Variants in ADGRV1 observed in about 807,000 individuals in gnomAD.
ADGRV1 encodes the protein G-protein coupled receptor 98.
In ADGRV1, 359 loss-of-function variants were observed where a neutral mutation model predicts 596.2. The observed-to-expected ratio is 0.60, with a 90% CI of 0.55 to 0.66. The LOEUF is 0.66. Ranked by LOEUF, ADGRV1 falls within the 30% of genes least tolerant of loss-of-function variation. The pLI, the probability that ADGRV1 is intolerant of heterozygous loss-of-function variation, is 0.00. For synonymous variants in ADGRV1, 2,681 were observed against 2,679.2 expected (o/e 1.00, Z -0.02); for missense variants, 7,274 against 7,575.6 (o/e 0.96, Z 1.48).
intron 83 of ADGRV1, among the ~76,000 whole-genome samples, chr5:90,884,564 C>G (rs552110080): frequency 8.0e-4 from 122 of 152,186 alleles, no homozygotes; most frequent in Admixed American, 2.8e-3. Flanking sequence ...TGGTATGTAT[C>G]AGGTGCCTAT....
chr5:91,080,265 A>G (rs1035138293), intron 86 of ADGRV1, among the ~76,000 whole-genome samples: 6 of 152,150 alleles, frequency 3.9e-5, no homozygotes, highest in African/African-American at 1.4e-4. Context: ...CTAGTTTGCT[A>G]TCAAACATTT....
chr5:90,662,419 T>G lies in ADGRV1; in HGVS notation c.4752+4141T>G, dbSNP rs537617500. Among the ~76,000 whole-genome samples, 22 of 151,996 alleles carry G rather than the reference T, an allele frequency of 1.4e-4. No homozygotes were observed. In the South Asian group the frequency reaches 4.6e-3, roughly 32 times the overall value. Reference sequence around the variant, plus strand: ...TGTGTTAGCCAGGATGGTCTCGATCTCCTGACCTCGTGATCCACCTACCTC... The same window carrying G: ...TGTGTTAGCCAGGATGGTCTCGATCGCCTGACCTCGTGATCCACCTACCTC... On this transcript the variant is annotated intron_variant, in intron 21 of 89. Transcript: ENST00000405460.
intron 34 of ADGRV1, among the ~76,000 whole-genome samples, chr5:90,699,938 G>C (rs920974938): frequency 9.9e-5 from 15 of 152,116 alleles, no homozygotes; most frequent in Non-Finnish European, 2.9e-5. Context: ...ACACCAAATT[G>C]CTTTTCTTGC....
chr5:90,837,960 A>C (rs1231107479), intron 77 of ADGRV1, among the ~76,000 whole-genome samples: 2 of 152,032 alleles, frequency 1.3e-5, no homozygotes, highest in East Asian at 3.9e-4. Context: ...CTTTTTAAGT[A>C]GTTCTATTCT....
At chr5:90,663,586 T>A (rs1009937561) in intron 21 of ADGRV1, among the ~76,000 whole-genome samples, 9 of 152,206 alleles carry the variant, frequency 5.9e-5, no homozygotes, top group African/African-American at 2.2e-4. Flanking sequence ...GATGGTAGTT[T>A]CTTTTGCTGT....
chr5:90,991,465 T>C (rs1238968667), intron 85 of ADGRV1, among the ~76,000 whole-genome samples: 1 of 152,162 alleles, frequency 6.6e-6, no homozygotes, highest in Non-Finnish European at 1.5e-5. Flanking sequence ...GTCTTTAATT[T>C]GTAGAGACAA....
intron 59 of ADGRV1, among the ~76,000 whole-genome samples, chr5:90,772,011 T>TC (rs1757745880): frequency 1.3e-5 from 2 of 151,998 alleles, no homozygotes. Flanking sequence ...ATCACCCTTT[T>TC]CCCCCCTCTT....
chr5:90,977,855 A>G (rs571820280), intron 84 of ADGRV1, among the ~76,000 whole-genome samples: 248 of 152,326 alleles, frequency 1.6e-3, no homozygotes, highest in African/African-American at 5.7e-3. Flanking sequence ...TTAAATTCCA[A>G]TAGCCTGAAT....
chr5:90,771,502 A>G (rs934234672), intron 59 of ADGRV1, among the ~76,000 whole-genome samples: 1 of 152,210 alleles, frequency 6.6e-6, no homozygotes, highest in African/African-American at 2.4e-5. Flanking sequence ...AGTGTTTTAT[A>G]CAACAACTGT....
At position 90,647,364 on chromosome 5, in the gene ADGRV1, A is replaced by T. The variant is rs564328408; in HGVS notation, c.3023-134A>T. 7 of 760,898 alleles carry T rather than the reference A, an allele frequency of 9.2e-6. No individual in the cohort carries two copies. The East Asian group carries it at 1.6e-4, about 17-fold the overall frequency. The allele number at this position is 760,898 out of a possible 1,614,324, so 47.1% of individuals were successfully genotyped here. A position where few individuals can be genotyped will look rare whatever the true frequency, so the allele number is the denominator to read the frequency against. ...AGAGGGTAGTCATGTCAGAGTTGGG[A>T]ACAGAGCTAATTATTTTGGCAAAGA... On this transcript the variant is annotated intron_variant, in intron 16 of 89. Coordinates refer to ENST00000405460, the MANE Select transcript of ADGRV1 (RefSeq NM_032119.4).
intron 85 of ADGRV1, among the ~76,000 whole-genome samples, chr5:91,027,689 T>A (rs1784130512): frequency 6.6e-6 from 1 of 152,196 alleles, no homozygotes; most frequent in Non-Finnish European, 1.5e-5. Flanking sequence ...GTCCAGACTA[T>A]CTAATCAGGA....
chr5:90,953,860 T>G (rs575567318), intron 83 of ADGRV1, among the ~76,000 whole-genome samples: 2 of 152,198 alleles, frequency 1.3e-5, no homozygotes, highest in African/African-American at 4.8e-5. Context: ...AGAAAATTTA[T>G]TTCATTTTTC....
At chr5:90,991,496 G>A (rs754466764) in intron 85 of ADGRV1, among the ~76,000 whole-genome samples, 1 of 152,054 alleles carries the variant, frequency 6.6e-6, no homozygotes, top group Non-Finnish European at 1.5e-5. Context: ...TGTTGGCCAG[G>A]CTAGTCTCAA....
At chr5:90,713,371 G>C (rs532912612) in intron 42 of ADGRV1, among the ~76,000 whole-genome samples, 6 of 144,848 alleles carry the variant, frequency 4.1e-5, no homozygotes, top group Non-Finnish European at 7.5e-5. Flanking sequence ...TGTGGCTGTT[G>C]TTTCAAGTTC....
Position 91,035,861 on chromosome 5 carries a change from T to TATAATATATATATATATATATATA in ADGRV1, c.18153-36586_18153-36585insATAATATATATATATATATATATA. Among the ~76,000 whole-genome samples, 875 of 96,186 alleles carry TATAATATATATATATATATATATA rather than the reference T, an allele frequency of 9.1e-3. 66 individuals carry two copies. Among genetic ancestry groups the TATAATATATATATATATATATATA allele is most frequent in the Non-Finnish European group, 0.014 (656 of 45,928 alleles). The allele number at this position is 96,186 out of a possible 152,430, so 63.1% of individuals were successfully genotyped here. On this transcript the variant is annotated intron_variant, in intron 85 of 89. Coordinates refer to ENST00000405460, the MANE Select transcript of ADGRV1 (RefSeq NM_032119.4). ...ATGAGTGTGTATATATATATATATA[T>TATAATATATATATATATATATATA]TATATATATATATATATATATCTTA...
chr5:91,108,539 C>T (rs1205729244), intron 87 of ADGRV1, among the ~76,000 whole-genome samples: 1 of 152,106 alleles, frequency 6.6e-6, no homozygotes, highest in Non-Finnish European at 1.5e-5. Context: ...TTTTTAAACA[C>T]ACATTCTAGA....
intron 21 of ADGRV1, among the ~76,000 whole-genome samples, chr5:90,664,419 G>A (rs1169063061): frequency 1.3e-5 from 2 of 152,114 alleles, no homozygotes; most frequent in African/African-American, 4.8e-5. Flanking sequence ...CTGTTTGCCT[G>A]TTGTTGGTGT....
In ADGRV1 at chr5:90,692,630, C is replaced by T; in HGVS notation, c.6977C>T (p.Ala2326Val). The change falls in exon 32 of 90, where the codon GCC becomes GTC. Residue 2326 changes from alanine to valine, a missense_variant. Physicochemically the swap from Ala to Val is moderately conservative, Grantham distance 64 (BLOSUM62 0). Coordinates refer to ENST00000405460, the MANE Select transcript of ADGRV1 (RefSeq NM_032119.4). ...GTTATCCAAGTGCAACTAACTGATGCCTCTGGTGGAGGTACTATTGGGTTA... is the reference window on the plus strand; with the variant it reads ...GTTATCCAAGTGCAACTAACTGATGTCTCTGGTGGAGGTACTATTGGGTTA... ...EEVIQVQLTD[A>V]SGGGTIGLDR... The T allele has an allele frequency of 6.2e-7, 1 of 1,609,488 alleles. No homozygotes were observed. The highest frequency in any genetic ancestry group is 2.2e-5 in the East Asian group (1 of 44,678).
At chr5:90,997,439 G>T (rs897082341) in intron 85 of ADGRV1, among the ~76,000 whole-genome samples, 6 of 152,082 alleles carry the variant, frequency 3.9e-5, no homozygotes, top group African/African-American at 1.4e-4. Flanking sequence ...TGCCATGATT[G>T]TAAGTTTCCT....
Sources: allele counts gnomAD v4.1 joint callset (sites outside exome capture counted in the v4.1 genomes callset), GRCh38; gene constraint gnomAD v4.1.1; transcripts MANE v1.5; gene names NCBI Gene and HGNC (gene_info 2026-07-23, HGNC 2026-07-21).